The following PRKD3 variants were observed in gnomAD, a reference collection of about 807,000 sequenced individuals.
PRKD3 encodes serine/threonine-protein kinase D3.
Under a neutral mutation model 99.2 loss-of-function variants are expected in PRKD3, and 47 were observed. That is an observed-to-expected ratio of 0.47 (90% confidence interval 0.38 to 0.60). The LOEUF is 0.60. Ranked by LOEUF, PRKD3 falls within the 20% of genes least tolerant of loss-of-function variation. The pLI is 0.00. For missense variants in PRKD3, 1,019 were observed against 1,088.4 expected (o/e 0.94, Z 0.90); for synonymous variants, 392 against 355.4 (o/e 1.10, Z -1.16).
chr2:37,290,012 T>C (rs1286495666), intron 4 of PRKD3, among the ~76,000 whole-genome samples: 1 of 152,226 alleles, frequency 6.6e-6, no homozygotes, highest in Non-Finnish European at 1.5e-5. Flanking sequence ...CGTTTACATA[T>C]TGTCTATGAT....
intron 13 of PRKD3, chr2:37,268,443 T>A (rs536018505): frequency 2.2e-6 from 1 of 449,576 alleles, no homozygotes; most frequent in Non-Finnish European, 4.5e-6. Flanking sequence ...CTGCTTTATG[T>A]CACAATACTA....
intron 2 of PRKD3, among the ~76,000 whole-genome samples, chr2:37,294,527 T>C (rs1369437070): frequency 6.6e-6 from 1 of 152,216 alleles, no homozygotes; most frequent in African/African-American, 2.4e-5. Context: ...ATTTTTGTAA[T>C]ACTAATTCTC....
intron 1 of PRKD3, among the ~76,000 whole-genome samples, chr2:37,318,193 T>C (rs1234287807): frequency 1.3e-5 from 2 of 151,986 alleles, no homozygotes; most frequent in African/African-American, 4.8e-5. Flanking sequence ...CACACAACTA[T>C]AGTATTAGGA....
At position 37,274,570 on chromosome 2, in the gene PRKD3, T is replaced by C. The variant is rs767044657; in HGVS notation, c.1502A>G (p.Asn501Ser). ...AACAGGATTATGAGAGCTGTCCCCA[T>C]TGTTCTCACCAACGAAGTATACCAT... is the stretch of plus-strand genomic sequence containing the variant. ...DTMVYFVGEN[N>S]GDSSHNPVLA... The change falls in exon 11 of 19, where the codon AAT becomes AGT. Residue 501 changes from asparagine (N) to serine (S), a missense_variant. Coordinates refer to ENST00000234179, the MANE Select transcript of PRKD3 (RefSeq NM_005813.6). 1.9e-6 allele frequency: 3 copies of C among 1,614,138 alleles called. No individual in the cohort carries two copies. The highest frequency in any genetic ancestry group is 1.7e-5 in the Admixed American group (1 of 60,010).
At chr2:37,263,810 A>G (rs558309215) in intron 14 of PRKD3, among the ~76,000 whole-genome samples, 57 of 152,296 alleles carry the variant, frequency 3.7e-4, no homozygotes, top group Non-Finnish European at 7.1e-4. Context: ...TTGGAAATCT[A>G]CATGATTTTA....
intron 18 of PRKD3, among the ~76,000 whole-genome samples, chr2:37,253,916 A>G (rs1667726696): frequency 6.6e-6 from 1 of 152,236 alleles, no homozygotes; most frequent in Non-Finnish European, 1.5e-5. Flanking sequence ...GTAGACATTT[A>G]AAATAAATTT....
chr2:37,268,314 T>C (rs1043872144), intron 13 of PRKD3: 1 of 470,998 alleles, frequency 2.1e-6, no homozygotes, highest in African/African-American at 2.0e-5. Flanking sequence ...GGACAGTTCT[T>C]TGTTCCTCTG....
At chr2:37,294,329 CAA>C (rs1413638839) in intron 2 of PRKD3, among the ~76,000 whole-genome samples, 1 of 152,126 alleles carries the variant, frequency 6.6e-6, no homozygotes, top group Non-Finnish European at 1.5e-5. Context: ...CTTCTAGACT[CAA>C]GTGATTCCCC....
At chr2:37,277,335 T>C (rs1669624774) in intron 9 of PRKD3, among the ~76,000 whole-genome samples, 1 of 152,194 alleles carries the variant, frequency 6.6e-6, no homozygotes, top group Non-Finnish European at 1.5e-5. Flanking sequence ...AGTTTTATAG[T>C]AAGTTACAGA....
At chr2:37,281,206 G>C (rs1669842496) in intron 7 of PRKD3, among the ~76,000 whole-genome samples, 1 of 152,102 alleles carries the variant, frequency 6.6e-6, no homozygotes, top group African/African-American at 2.4e-5. Context: ...CATCTCACTA[G>C]TAATCAAATG....
chr2:37,269,073 T>G (rs1669040111), intron 13 of PRKD3: 1 of 154,600 alleles, frequency 6.5e-6, no homozygotes, highest in Admixed American at 6.4e-5. Context: ...ATATTAAGTT[T>G]AATTAATATT....
intron 14 of PRKD3, 84 bp downstream of exon 14, chr2:37,267,346 T>TA (rs373745205): frequency 0.18 from 141,577 of 770,244 alleles, 903 homozygotes; most frequent in African/African-American, 0.22. Flanking sequence ...TTTGCCTTCT[T>TA]AAAAAAAAAA....
Position 37,271,986 on chromosome 2 carries a change from A to T in PRKD3, c.1704+394T>A, listed in dbSNP as rs148239021. Among the ~76,000 whole-genome samples the T allele has an allele frequency of 5.0e-3, 759 of 152,280 alleles. 5 individuals carry two copies. The highest frequency in any genetic ancestry group is 5.4e-3 in the Non-Finnish European group (367 of 68,014). ...TGTTTGTTCATCCTAGTGCTCCTGT[A>T]CTTGCATGAAAGGTTGTTCCCCAAC... is the stretch of plus-strand genomic sequence containing the variant. On this transcript the variant is annotated intron_variant, in intron 12 of 18. Transcript: ENST00000234179.
At chr2:37,269,797 T>C in intron 12 of PRKD3, 110 bp from the exon 13 acceptor site, 1 of 771,268 alleles carries the variant, frequency 1.3e-6, no homozygotes, top group Admixed American at 2.8e-5. Flanking sequence ...TAGAAGCAGC[T>C]AATTTCCATA....
chr2:37,298,017 C>A (rs1055788565), intron 2 of PRKD3, among the ~76,000 whole-genome samples: 3 of 152,148 alleles, frequency 2.0e-5, no homozygotes, highest in African/African-American at 7.2e-5. Context: ...TGAAAATCTT[C>A]CAAATGGGAG....
chr2:37,274,580 C>G lies in PRKD3; in HGVS notation c.1492G>C (p.Gly498Arg). ...TGAGAGCTGTCCCCATTGTTCTCAC[C>G]AACGAAGTATACCATAGTATCAGTA... is the stretch of plus-strand genomic sequence containing the variant. ...IITDTMVYFV[G>R]ENNGDSSHNP... The change falls in exon 11 of 19, where the codon GGT (glycine) becomes CGT (arginine). Residue 498 changes from glycine (G) to arginine (R), a missense_variant. Transcript: ENST00000234179. 1.2e-6 allele frequency: 2 copies of G among 1,614,056 alleles called. No individual in the cohort carries two copies. Among genetic ancestry groups the G allele is most frequent in the Non-Finnish European group, 1.7e-6 (2 of 1,179,962 alleles).
chr2:37,299,387 A>C (rs1185695652), intron 2 of PRKD3, among the ~76,000 whole-genome samples: 1 of 152,038 alleles, frequency 6.6e-6, no homozygotes, highest in Non-Finnish European at 1.5e-5. Flanking sequence ...TCAAGCTAAA[A>C]AGTCGGGCAC....
intron 13 of PRKD3, chr2:37,268,747 A>T (rs1481272007): frequency 6.3e-6 from 1 of 157,586 alleles, no homozygotes; most frequent in African/African-American, 2.4e-5. Flanking sequence ...GGAGGCATGT[A>T]AACAGGACTG....
chr2:37,261,342 C>G (rs1668427602), intron 14 of PRKD3, among the ~76,000 whole-genome samples: 1 of 152,004 alleles, frequency 6.6e-6, no homozygotes, highest in Non-Finnish European at 1.5e-5. Context: ...CAAAAACTAA[C>G]CAGGTGTGGT....
Sources: allele counts gnomAD v4.1 joint callset (sites outside exome capture counted in the v4.1 genomes callset), GRCh38; gene constraint gnomAD v4.1.1; transcripts MANE v1.5; gene names NCBI Gene and HGNC (gene_info 2026-07-23, HGNC 2026-07-21).